The following POU6F2 variants were observed in gnomAD, a reference collection of about 807,000 sequenced individuals.
POU6F2 encodes the protein POU domain, class 6, transcription factor 2.
POU6F2 carries 31 observed loss-of-function variants against 71.3 expected under a neutral mutation model. The ratio of observed to expected loss-of-function variants is 0.43; its 90% CI spans 0.33 to 0.59. POU6F2 has a LOEUF of 0.59. POU6F2 is among the 20% of genes least tolerant of loss of function. The pLI is 0.04. For synonymous variants in POU6F2, 347 were observed against 355.7 expected (o/e 0.98, Z 0.27); for missense variants, 783 against 856.8 (o/e 0.91, Z 1.07).
chr7:39,029,929 G>A (rs1448611946), intron 1 of POU6F2, among the ~76,000 whole-genome samples: 2 of 151,970 alleles, frequency 1.3e-5, no homozygotes, highest in Non-Finnish European at 2.9e-5. Context: ...TACACTACTA[G>A]ATTCTGCTTG....
intron 4 of POU6F2, among the ~76,000 whole-genome samples, chr7:39,226,453 A>G (rs1316399761): frequency 2.0e-5 from 3 of 152,206 alleles, no homozygotes; most frequent in African/African-American, 4.8e-5. Flanking sequence ...AAGAACATCA[A>G]ATGCTCACAA....
chr7:39,371,139 GTCT>G (rs899412690), intron 5 of POU6F2, among the ~76,000 whole-genome samples: 4 of 151,500 alleles, frequency 2.6e-5, no homozygotes, highest in African/African-American at 9.7e-5. Context: ...AATCAAGGCT[GTCT>G]ATGTGTTTTC....
chr7:39,110,023 C>CGTGATTTTGG (rs1238974699), intron 2 of POU6F2, among the ~76,000 whole-genome samples: 3 of 152,082 alleles, frequency 2.0e-5, no homozygotes, highest in Admixed American at 6.5e-5. Context: ...GTAATCCCAG[C>CGTGATTTTGG]ACTTTGGGAG....
chr7:39,173,114 G>A (rs1420057836), intron 2 of POU6F2, among the ~76,000 whole-genome samples: 1 of 152,192 alleles, frequency 6.6e-6, no homozygotes, highest in Non-Finnish European at 1.5e-5. Flanking sequence ...AATCTGCAAT[G>A]ATATAAAAAT....
At chr7:39,448,116 A>G (rs1788567496) in intron 7 of POU6F2, among the ~76,000 whole-genome samples, 1 of 152,218 alleles carries the variant, frequency 6.6e-6, no homozygotes, top group African/African-American at 2.4e-5. Flanking sequence ...TATATTTCAT[A>G]GTTTACCTGA....
At chr7:39,135,313 G>A (rs1191294886) in intron 2 of POU6F2, among the ~76,000 whole-genome samples, 2 of 152,154 alleles carry the variant, frequency 1.3e-5, no homozygotes, top group African/African-American at 4.8e-5. Context: ...GTCCAGCACT[G>A]GACAAATTAG....
In POU6F2 at chr7:39,468,569, G is replaced by T. The variant is rs1287810055; in HGVS notation, c.*3883G>T. On this transcript the variant is annotated 3_prime_UTR_variant, in exon 10 of 10. Transcript: ENST00000518318. ...GCTTCAGATCTGTCACTTTTAATTT[G>T]TACCATAAAAAATAAATAATTGTTT... The T allele has an allele frequency of 6.6e-6, 1 of 151,692 alleles. No homozygotes were observed. The highest frequency in any genetic ancestry group is 1.5e-5 in the Non-Finnish European group (1 of 67,942). The allele number at this position is 151,692 out of a possible 1,614,324, so 9.4% of individuals were successfully genotyped here.
chr7:39,365,881 G>C (rs1786490198), intron 5 of POU6F2, among the ~76,000 whole-genome samples: 1 of 152,158 alleles, frequency 6.6e-6, no homozygotes, highest in South Asian at 2.1e-4. Flanking sequence ...GTGTCTACTT[G>C]AGGTTAATGG....
intron 4 of POU6F2, among the ~76,000 whole-genome samples, chr7:39,212,988 T>G (rs906259461): frequency 6.6e-6 from 1 of 152,114 alleles, no homozygotes; most frequent in East Asian, 1.9e-4. Flanking sequence ...TAGAGCTGAG[T>G]CTACTTCTGG....
chr7:39,290,983 C>G (rs1784744025), intron 4 of POU6F2, among the ~76,000 whole-genome samples: 1 of 140,474 alleles, frequency 7.1e-6, no homozygotes, highest in Non-Finnish European at 1.5e-5. Context: ...TGGTCCAGGT[C>G]TCTGAACTAA....
intron 2 of POU6F2, among the ~76,000 whole-genome samples, chr7:39,095,371 G>T (rs1345181419): frequency 6.6e-6 from 1 of 152,086 alleles, no homozygotes; most frequent in Non-Finnish European, 1.5e-5. Flanking sequence ...GGAATCTGCA[G>T]GCCATCAGAA....
At chr7:39,446,834 C>T (rs1411509115) in intron 7 of POU6F2, among the ~76,000 whole-genome samples, 1 of 152,194 alleles carries the variant, frequency 6.6e-6, no homozygotes, top group Non-Finnish European at 1.5e-5. Context: ...TGCAGATTCT[C>T]CATGCTTTCA....
chr7:39,245,164 A>T (rs537879182), intron 4 of POU6F2, among the ~76,000 whole-genome samples: 2 of 152,344 alleles, frequency 1.3e-5, no homozygotes, highest in East Asian at 1.9e-4. Flanking sequence ...CACAGAAATG[A>T]GTATCTTTAA....
chr7:39,239,686 C>G (rs997146322), intron 4 of POU6F2, among the ~76,000 whole-genome samples: 2 of 152,156 alleles, frequency 1.3e-5, no homozygotes, highest in African/African-American at 4.8e-5. Context: ...AGAACAATGC[C>G]TGTCTCATGC....
intron 2 of POU6F2, among the ~76,000 whole-genome samples, chr7:39,122,695 T>A (rs547561919): frequency 1.3e-4 from 19 of 151,232 alleles, no homozygotes; most frequent in African/African-American, 4.6e-4. Flanking sequence ...GTCATAAATA[T>A]GCATGCCTAT....
At chr7:39,211,483 T>G (rs1794141798) in intron 4 of POU6F2, among the ~76,000 whole-genome samples, 1 of 152,214 alleles carries the variant, frequency 6.6e-6, no homozygotes, top group Non-Finnish European at 1.5e-5. Flanking sequence ...TGAGATTTTA[T>G]CCAATGAAAG....
chr7:39,146,388 G>T (rs1477764778), intron 2 of POU6F2, among the ~76,000 whole-genome samples: 1 of 152,196 alleles, frequency 6.6e-6, no homozygotes, highest in Non-Finnish European at 1.5e-5. Context: ...GAGGGTAGGT[G>T]GGGCAGCTCA....
At position 39,429,359 on chromosome 7, in the gene POU6F2, C is replaced by T. The variant is rs536524538; in HGVS notation, c.1114-3718C>T. ...TTGGACCATCCCCACCTTTCTTCCT[C>T]GGAAGTGACTCATTCATTCCCAATA... On this transcript the variant is annotated intron_variant, in intron 6 of 9. Coordinates refer to ENST00000518318, the MANE Select transcript of POU6F2 (RefSeq NM_001370959.1). 7.9e-5 allele frequency among the ~76,000 whole-genome samples: 12 copies of T among 152,250 alleles called. No homozygotes were observed. In the South Asian group the frequency reaches 1.2e-3, roughly 16 times the overall value.
intron 5 of POU6F2, among the ~76,000 whole-genome samples, chr7:39,363,844 C>T (rs992814842): frequency 6.6e-5 from 10 of 151,736 alleles, no homozygotes; most frequent in African/African-American, 1.7e-4. Flanking sequence ...TTCAGTGGAG[C>T]GGGAGCGATG....
Sources: allele counts gnomAD v4.1 joint callset (sites outside exome capture counted in the v4.1 genomes callset), GRCh38; gene constraint gnomAD v4.1.1; transcripts MANE v1.5; gene names NCBI Gene and HGNC (gene_info 2026-07-23, HGNC 2026-07-21).